Variants in APBB2 observed in about 807,000 individuals in gnomAD.
The protein encoded by APBB2 is amyloid beta precursor protein binding family B member 2.
Under a neutral mutation model 82.5 loss-of-function variants are expected in APBB2, and 38 were observed. The observed-to-expected ratio is 0.46, with a 90% CI of 0.36 to 0.60. The LOEUF (loss-of-function observed/expected upper bound fraction) is 0.60. Among genes scored for constraint, APBB2 ranks in the 20% least tolerant of loss-of-function variants. The pLI, the probability that APBB2 is intolerant of heterozygous loss-of-function variation, is 0.00. For synonymous variants in APBB2, 341 were observed against 368.2 expected, an observed-to-expected ratio of 0.93 and a Z score of 0.85; for missense variants, 772 against 972.3, an observed-to-expected ratio of 0.79 and a Z score of 2.74.
chr4:40,853,876 T>C (rs1344504632), intron 12 of APBB2, among the ~76,000 whole-genome samples: 1 of 152,176 alleles, frequency 6.6e-6, no homozygotes, highest in African/African-American at 2.4e-5. Flanking sequence ...CCCTCTGAGC[T>C]ACTCTGTTGC....
intron 2 of APBB2, among the ~76,000 whole-genome samples, chr4:41,137,462 T>A (rs986022709): frequency 6.6e-6 from 1 of 152,202 alleles, no homozygotes; most frequent in African/African-American, 2.4e-5. Context: ...CATATTAGAT[T>A]TCCATAATTA....
chr4:40,823,730 T>G lies in APBB2; in HGVS notation c.1846A>C (p.Asn616His), dbSNP rs773869304. The change falls in exon 16 of 18, where the codon AAT (asparagine) becomes CAT (histidine). Residue 616 changes from asparagine (N) to histidine (H), a missense_variant. Asn to His is a moderately conservative substitution (Grantham distance 68, BLOSUM62 1). Coordinates refer to ENST00000508593, the MANE Select transcript of APBB2 (RefSeq NM_004307.2). ...TCCTTGTTGGATGAGGTCATAAGATTTTCTATGGCACTGTTCAAAATATCC... is the reference window on the plus strand; with the variant it reads ...TCCTTGTTGGATGAGGTCATAAGATGTTCTATGGCACTGTTCAAAATATCC... ...GMDILNSAIE[N>H]LMTSSNKEDW... is the part of the protein sequence containing the mutation. 1.9e-6 allele frequency: 3 copies of G among 1,613,664 alleles called. No individual in the cohort carries two copies. Among genetic ancestry groups the G allele is most frequent in the Non-Finnish European group, 2.5e-6 (3 of 1,179,884 alleles).
At chr4:41,030,019 G>A (rs570917778) in intron 5 of APBB2, among the ~76,000 whole-genome samples, 166 of 152,300 alleles carry the variant, frequency 1.1e-3, no homozygotes, top group Non-Finnish European at 1.9e-3. Flanking sequence ...AGCCGGGCAT[G>A]GTGGCACATG....
intron 10 of APBB2, among the ~76,000 whole-genome samples, chr4:40,933,598 C>T (rs751491283): frequency 8.9e-4 from 135 of 152,272 alleles, no homozygotes; most frequent in Non-Finnish European, 1.6e-3. Flanking sequence ...TGACCCCAAC[C>T]CTCCCGTGCT....
intron 2 of APBB2, among the ~76,000 whole-genome samples, chr4:41,111,949 T>C (rs182279980): frequency 1.3e-5 from 2 of 152,160 alleles, no homozygotes; most frequent in Admixed American, 6.5e-5. Flanking sequence ...TAAGGGCAGA[T>C]AGAAAAAAAC....
chr4:41,120,948 T>G (rs1752630166), intron 2 of APBB2, among the ~76,000 whole-genome samples: 1 of 152,240 alleles, frequency 6.6e-6, no homozygotes, highest in Non-Finnish European at 1.5e-5. Context: ...TAGTGACTAA[T>G]TCAGGGTGTT....
rs79235633 is a variant in APBB2 at position 41,015,982 on chromosome 4, G to C, written c.20-1584C>G. Among the ~76,000 whole-genome samples the C allele has an allele frequency of 8.4e-3, 1,273 of 152,120 alleles. 21 individuals carry two copies. Among genetic ancestry groups the C allele is most frequent in the African/African-American group, 0.028 (1,155 of 41,516 alleles). ...CTACAACTATTATACCATTTTATGG[G>C]AAACATGTTTCAATTTATAATTTAA... On this transcript the variant is annotated intron_variant, in intron 5 of 17. Transcript: ENST00000508593.
chr4:41,023,004 C>A (rs528655490), intron 5 of APBB2, among the ~76,000 whole-genome samples: 1 of 152,166 alleles, frequency 6.6e-6, no homozygotes, highest in Non-Finnish European at 1.5e-5. Flanking sequence ...AAATAAAATC[C>A]TTTAATATAA....
intron 10 of APBB2, among the ~76,000 whole-genome samples, chr4:40,914,562 A>G (rs1045626058): frequency 2.6e-5 from 4 of 152,158 alleles, no homozygotes; most frequent in Non-Finnish European, 5.9e-5. Flanking sequence ...CAACAAATAA[A>G]TACATAGGTA....
At chr4:41,036,872 A>T (rs1719389695) in intron 4 of APBB2, among the ~76,000 whole-genome samples, 1 of 152,196 alleles carries the variant, frequency 6.6e-6, no homozygotes, top group African/African-American at 2.4e-5. Context: ...AGTTTCTGAG[A>T]GGAACTTAGG....
chr4:40,964,931 T>C (rs554182897), intron 6 of APBB2, among the ~76,000 whole-genome samples: 76 of 152,170 alleles, frequency 5.0e-4, no homozygotes, highest in South Asian at 8.3e-4. Flanking sequence ...CCATCCTGGC[T>C]AACACAGTGA....
At position 40,826,712 on chromosome 4, in the gene APBB2, A is replaced by T. The variant is rs1431762786; in HGVS notation, c.1732+420T>A. 1 of 165,964 alleles carries T rather than the reference A, an allele frequency of 6.0e-6. No homozygotes were observed. Among genetic ancestry groups the T allele is most frequent in the Non-Finnish European group, 1.3e-5 (1 of 77,014 alleles). 10.3% of individuals were successfully genotyped at this position (165,964 alleles called of 1,614,324 possible). On this transcript the variant is annotated intron_variant, in intron 14 of 17. Transcript: ENST00000508593. This position sits in a 1 kb window ranked among gnomAD's most constrained non-coding sequence, Gnocchi z 4.5. ...GAGAATGAGGAGCACAAGGAGGTCG[A>T]TCTGTAACTGGCTGAACCATCAACT...
chr4:40,941,247 C>T (rs1786828865), intron 7 of APBB2, among the ~76,000 whole-genome samples: 1 of 151,982 alleles, frequency 6.6e-6, no homozygotes, highest in South Asian at 2.1e-4. Context: ...GCTCTCTTCT[C>T]ATGCTTTGAA....
chr4:40,831,450 T>A (rs1751874130), intron 12 of APBB2, among the ~76,000 whole-genome samples: 1 of 152,066 alleles, frequency 6.6e-6, no homozygotes. Context: ...TCTGTTGAAC[T>A]CTTGGAATCT....
At chr4:41,046,088 G>T (rs1723340338) in intron 4 of APBB2, among the ~76,000 whole-genome samples, 1 of 152,084 alleles carries the variant, frequency 6.6e-6, no homozygotes, top group Non-Finnish European at 1.5e-5. Context: ...AAACAATAAA[G>T]AAGTGCCCTC....
At chr4:41,020,001 G>C (rs1364867177) in intron 5 of APBB2, among the ~76,000 whole-genome samples, 2 of 152,016 alleles carry the variant, frequency 1.3e-5, no homozygotes, top group Non-Finnish European at 2.9e-5. Context: ...GAGACAGAGA[G>C]ACAGAAAGTC....
At chr4:41,040,911 C>T (rs962829229) in intron 4 of APBB2, among the ~76,000 whole-genome samples, 2 of 152,074 alleles carry the variant, frequency 1.3e-5, no homozygotes, top group Admixed American at 6.5e-5. Flanking sequence ...GATGGAGTCT[C>T]GCTCTGTCGC....
chr4:41,212,501 C>T (rs1158981464), intron 1 of APBB2, among the ~76,000 whole-genome samples: 1 of 152,120 alleles, frequency 6.6e-6, no homozygotes, highest in African/African-American at 2.4e-5. Context: ...TTTCAGAAAG[C>T]CAGTTCACAT....
At chr4:41,016,629 C>T (rs1380315645) in intron 5 of APBB2, among the ~76,000 whole-genome samples, 2 of 151,228 alleles carry the variant, frequency 1.3e-5, no homozygotes, top group Non-Finnish European at 2.9e-5. Flanking sequence ...CCAGCCTGGG[C>T]AACAAGAGCA....
Sources: allele counts gnomAD v4.1 joint callset (sites outside exome capture counted in the v4.1 genomes callset), GRCh38; gene constraint gnomAD v4.1.1; non-coding constraint Gnocchi (gnomAD v3.1); transcripts MANE v1.5; gene names NCBI Gene and HGNC (gene_info 2026-07-23, HGNC 2026-07-21).